Variants in PKP4 observed in about 807,000 individuals in gnomAD.
PKP4 encodes plakophilin-4.
A neutral mutation model predicts 145.1 loss-of-function variants in PKP4; 90 were observed. The observed-to-expected ratio is 0.62, with a 90% confidence interval of 0.52 to 0.74. The LOEUF is 0.74. PKP4 is among the 30% of genes least tolerant of loss of function. The pLI is 0.00. For missense variants in PKP4, 1,340 were observed against 1,482.7 expected (o/e 0.90, Z 1.58); for synonymous variants, 563 against 577.2 (o/e 0.98, Z 0.35).
In PKP4 at chr2:158,666,492, A is replaced by G; in HGVS notation, c.2657A>G (p.Asp886Gly). 6.2e-7 allele frequency: 1 copy of G among 1,613,832 alleles called. No individual in the cohort carries two copies. Among genetic ancestry groups the G allele is most frequent in the South Asian group, 1.1e-5 (1 of 90,990 alleles). Residue 886 changes from aspartate (D) to glycine (G), a missense_variant, in exon 16 of 22, where the codon GAT (aspartate) becomes GGT (glycine). Asp to Gly is a moderately conservative substitution (Grantham distance 94, BLOSUM62 -1). Transcript: ENST00000389759. The part of the protein sequence containing the change: ...ILVELLRMDN[D>G]RVVSSVATAL... Reference sequence around the variant, plus strand: ...GTGGAGCTTCTGAGAATGGATAACGATAGAGTTGTTTCTTCCGTGGCAACA... The same window carrying G: ...GTGGAGCTTCTGAGAATGGATAACGGTAGAGTTGTTTCTTCCGTGGCAACA...
At chr2:158,493,975 G>A (rs1337409843) in intron 1 of PKP4, among the ~76,000 whole-genome samples, 2 of 152,122 alleles carry the variant, frequency 1.3e-5, no homozygotes, top group African/African-American at 4.8e-5. Flanking sequence ...ATGGAGTCCA[G>A]GGGTGCAAAA....
chr2:158,515,056 T>C (rs1216108397), intron 1 of PKP4, among the ~76,000 whole-genome samples: 1 of 152,270 alleles, frequency 6.6e-6, no homozygotes, highest in Non-Finnish European at 1.5e-5. Context: ...CTGTTGACTT[T>C]GCTTTTTTTG....
chr2:158,468,005 A>G (rs541101656), intron 1 of PKP4, among the ~76,000 whole-genome samples: 1 of 152,340 alleles, frequency 6.6e-6, no homozygotes, highest in Non-Finnish European at 1.5e-5. Context: ...AATATTCCAT[A>G]ATATGGATGT....
At chr2:158,481,482 G>A (rs1693345156) in intron 1 of PKP4, among the ~76,000 whole-genome samples, 1 of 152,130 alleles carries the variant, frequency 6.6e-6, no homozygotes, top group African/African-American at 2.4e-5. Flanking sequence ...TTCCAAAGCA[G>A]CTGCACAGTT....
At chr2:158,504,668 A>G in intron 1 of PKP4, among the ~76,000 whole-genome samples, 1 of 90,786 alleles carries the variant, frequency 1.1e-5, no homozygotes, top group Non-Finnish European at 2.2e-5. Context: ...GATCTTCTAA[A>G]TATCCTTAAA....
intron 3 of PKP4, 62 bp from the exon 4 acceptor site, chr2:158,603,008 C>A: frequency 1.0e-6 from 1 of 980,608 alleles, no homozygotes; most frequent in Non-Finnish European, 1.5e-6. Context: ...CAAAACAGGT[C>A]CTAAGCTAAA....
intron 3 of PKP4, among the ~76,000 whole-genome samples, chr2:158,591,076 C>T (rs898609649): frequency 6.6e-6 from 1 of 152,008 alleles, no homozygotes. Flanking sequence ...TGTACTGATA[C>T]ATTCATTAGA....
intron 1 of PKP4, among the ~76,000 whole-genome samples, chr2:158,488,061 C>A (rs1026465802): frequency 1.3e-5 from 2 of 152,130 alleles, no homozygotes; most frequent in East Asian, 3.8e-4. Context: ...GTTTTTCAAT[C>A]TGTTCCACCT....
At chr2:158,489,278 T>C (rs1694607344) in intron 1 of PKP4, among the ~76,000 whole-genome samples, 1 of 152,232 alleles carries the variant, frequency 6.6e-6, no homozygotes, top group Non-Finnish European at 1.5e-5. Context: ...CTGCTATTTA[T>C]AGTAACTTTC....
chr2:158,661,290 G>A (rs750473613), intron 12 of PKP4, 43 bp from the exon 13 acceptor site: 6 of 1,394,478 alleles, frequency 4.3e-6, no homozygotes, highest in South Asian at 3.5e-5. Flanking sequence ...GCTGATGAGT[G>A]CATGGTTCAT....
chr2:158,663,327 T>A lies in PKP4; in HGVS notation c.2459T>A (p.Met820Lys). 1 of 1,614,136 alleles carries A rather than the reference T, an allele frequency of 6.2e-7. No homozygotes were observed. Among genetic ancestry groups the A allele is most frequent in the South Asian group, 1.1e-5 (1 of 91,078 alleles). The change falls in exon 15 of 22, where the codon ATG (methionine) becomes AAG (lysine). Residue 820 changes from methionine to lysine, a missense_variant. Coordinates refer to ENST00000389759, the MANE Select transcript of PKP4 (RefSeq NM_003628.6). ...TCGAAGTCCCCCAAAGGGGTTGAGATGCTGTGGCACCCATCGGTGGTAAAA... is the reference window on the plus strand; with the variant it reads ...TCGAAGTCCCCCAAAGGGGTTGAGAAGCTGTGGCACCCATCGGTGGTAAAA... ...GLSKSPKGVE[M>K]LWHPSVVKPY...
intron 11 of PKP4, among the ~76,000 whole-genome samples, chr2:158,648,587 C>T (rs2055044466): frequency 6.6e-6 from 1 of 152,186 alleles, no homozygotes; most frequent in Non-Finnish European, 1.5e-5. Context: ...AGGAGTCAGT[C>T]CTACTGTTAT....
intron 2 of PKP4, among the ~76,000 whole-genome samples, chr2:158,553,382 G>A (rs530256194): frequency 6.6e-6 from 1 of 152,304 alleles, no homozygotes; most frequent in African/African-American, 2.4e-5. Flanking sequence ...TTCCAGGGAA[G>A]ATCTGTGGAT....
At chr2:158,539,105 T>C (rs139356498) in intron 2 of PKP4, among the ~76,000 whole-genome samples, 1 of 152,230 alleles carries the variant, frequency 6.6e-6, no homozygotes. Context: ...ATATATTTTC[T>C]GGCTTTTGTG....
intron 1 of PKP4, among the ~76,000 whole-genome samples, chr2:158,516,132 C>G (rs1355778890): frequency 6.7e-6 from 1 of 148,758 alleles, no homozygotes; most frequent in Non-Finnish European, 1.5e-5. Context: ...TTCTTTTTTT[C>G]ATGATTTCTC....
intron 1 of PKP4, among the ~76,000 whole-genome samples, chr2:158,530,376 G>A (rs1190494967): frequency 6.6e-6 from 1 of 152,054 alleles, no homozygotes; most frequent in Non-Finnish European, 1.5e-5. Context: ...AAATGGTTCA[G>A]CAACCTATCT....
At chr2:158,560,437 C>T (rs2046423328) in intron 2 of PKP4, among the ~76,000 whole-genome samples, 1 of 151,720 alleles carries the variant, frequency 6.6e-6, no homozygotes, top group Non-Finnish European at 1.5e-5. Flanking sequence ...CAAAAAATGA[C>T]ATTGAGAACA....
At chr2:158,470,874 G>A (rs1035433703) in intron 1 of PKP4, among the ~76,000 whole-genome samples, 4 of 152,170 alleles carry the variant, frequency 2.6e-5, no homozygotes, top group African/African-American at 9.7e-5. Flanking sequence ...CCCACTGAGT[G>A]CGGGGCTGGG....
Position 158,665,338 on chromosome 2 carries a change from T to A in PKP4, c.2578-1075T>A, listed in dbSNP as rs1188468499. Among the ~76,000 whole-genome samples the A allele has an allele frequency of 5.9e-5, 9 of 152,322 alleles. No individual in the cohort carries two copies. The East Asian group carries it at 1.7e-3, about 29-fold the overall frequency. Reference sequence around the variant, plus strand: ...CTTCATTTTCCCCCCATAGATTTCATGTGATTTGAAAAATAGGAGTATGCA... The same window carrying A: ...CTTCATTTTCCCCCCATAGATTTCAAGTGATTTGAAAAATAGGAGTATGCA... On this transcript the variant is annotated intron_variant, in intron 15 of 21. Transcript: ENST00000389759.
Sources: gnomAD v4.1 joint callset for allele counts (sites outside exome capture counted in the v4.1 genomes callset) on GRCh38, gnomAD v4.1.1 for gene constraint, MANE v1.5 for transcripts, NCBI Gene and HGNC (gene_info 2026-07-23, HGNC 2026-07-21) for gene names.